The following CBX1 variants were observed in gnomAD, a reference collection of about 807,000 sequenced individuals.
CBX1 encodes chromobox 1.
Under a neutral mutation model 25.1 loss-of-function variants are expected in CBX1, and 10 were observed. That is an observed-to-expected ratio of 0.40 (90% CI 0.25 to 0.68). CBX1 has a LOEUF of 0.68. CBX1 is among the 30% of genes least tolerant of loss of function. CBX1 has a pLI of 0.40. For missense variants in CBX1, 106 were observed against 218.5 expected (o/e 0.49, Z 3.25); for synonymous variants, 63 against 79.4 (o/e 0.79, Z 1.10).
At chr17:48,094,839 G>T (rs1598316985) in intron 1 of CBX1, among the ~76,000 whole-genome samples, 1 of 151,700 alleles carries the variant, frequency 6.6e-6, no homozygotes, top group Admixed American at 6.6e-5. Context: ...TTGACGCCTG[G>T]AGTTCAAGAC....
chr17:48,101,222 G>A (rs1161596080), intron 1 of CBX1, 46 bp downstream of exon 1: 2 of 990,098 alleles, frequency 2.0e-6, no homozygotes, highest in Non-Finnish European at 2.4e-6. Context: ...CGCCGCCGCC[G>A]CCGCGCCCCC....
intron 1 of CBX1, among the ~76,000 whole-genome samples, chr17:48,079,106 G>A (rs538865470): frequency 1.5e-5 from 2 of 133,214 alleles, no homozygotes; most frequent in African/African-American, 5.7e-5. Context: ...TCCAGCCCCG[G>A]CCCCGCACCT....
intron 3 of CBX1, among the ~76,000 whole-genome samples, chr17:48,075,752 C>G (rs756103464): frequency 1.3e-5 from 2 of 152,150 alleles, no homozygotes; most frequent in Non-Finnish European, 2.9e-5. Context: ...CTATTTTTTA[C>G]AAGAATGAAT....
chr17:48,094,114 CAAAA>C (rs11459504), intron 1 of CBX1, among the ~76,000 whole-genome samples: 110 of 50,832 alleles, frequency 2.2e-3, no homozygotes, highest in African/African-American at 8.4e-3. Flanking sequence ...AACTCTGTCT[CAAAA>C]AAAAAAAAAA....
At chr17:48,090,275 A>G (rs1268984240) in intron 1 of CBX1, among the ~76,000 whole-genome samples, 1 of 152,168 alleles carries the variant, frequency 6.6e-6, no homozygotes, top group African/African-American at 2.4e-5. Context: ...TCCACACAGT[A>G]AAGTTCCTTA....
At chr17:48,087,745 G>A (rs1049913905) in intron 1 of CBX1, among the ~76,000 whole-genome samples, 2 of 151,310 alleles carry the variant, frequency 1.3e-5, no homozygotes, top group Admixed American at 1.3e-4. Flanking sequence ...AGTGGCACAC[G>A]CATGTAGTCC....
At chr17:48,079,460 TTTC>T (rs1163404467) in intron 1 of CBX1, among the ~76,000 whole-genome samples, 4 of 152,214 alleles carry the variant, frequency 2.6e-5, no homozygotes, top group Non-Finnish European at 5.9e-5. Flanking sequence ...GATTCACAAA[TTTC>T]TTGTTAACTT....
At chr17:48,089,353 G>A (rs992497942) in intron 1 of CBX1, among the ~76,000 whole-genome samples, 1 of 150,092 alleles carries the variant, frequency 6.7e-6, no homozygotes, top group Non-Finnish European at 1.5e-5. Context: ...CGCCCATCTC[G>A]GCCTCCAACA....
At chr17:48,077,150 T>C (rs1598304614) in intron 1 of CBX1, 109 bp from the exon 2 acceptor site, 6 of 809,816 alleles carry the variant, frequency 7.4e-6, no homozygotes, top group Non-Finnish European at 9.5e-6. Flanking sequence ...TATTGTATGC[T>C]GCTTATAGTA....
chr17:48,076,041 T>A lies in CBX1; in HGVS notation c.278A>T (p.Asp93Val). The part of the protein sequence containing the change: ...GKRKADSDSE[D>V]KGEESKPKKK... ...CTTTGGTTTGCTCTCCTCTCCCTTA[T>A]CTTCAGAATCAGAATCAGCTTTGCG... The change falls in exon 3 of 5, where the codon GAT becomes GTT. Residue 93 changes from aspartate (D) to valine (V), a missense_variant. Transcript: ENST00000225603. The A allele has an allele frequency of 1.2e-6, 2 of 1,612,846 alleles. No homozygotes were observed. Among genetic ancestry groups the A allele is most frequent in the South Asian group, 2.2e-5 (2 of 90,908 alleles).
intron 2 of CBX1, 89 bp downstream of exon 2, chr17:48,076,776 G>T: frequency 8.4e-7 from 1 of 1,186,660 alleles, no homozygotes; most frequent in South Asian, 1.5e-5. Flanking sequence ...GAGTCACACT[G>T]TATCCATCAT....
chr17:48,073,145 A>T (rs569336101), intron 4 of CBX1, among the ~76,000 whole-genome samples: 146 of 151,972 alleles, frequency 9.6e-4, no homozygotes, highest in African/African-American at 3.4e-3. Flanking sequence ...ACAAACTCTT[A>T]TCTTCAGGTT....
intron 1 of CBX1, among the ~76,000 whole-genome samples, chr17:48,092,987 T>C (rs2063351923): frequency 6.7e-6 from 1 of 150,096 alleles, no homozygotes; most frequent in African/African-American, 2.5e-5. Context: ...GGAGAATCGC[T>C]TGAACCCAGG....
intron 1 of CBX1, among the ~76,000 whole-genome samples, chr17:48,099,439 A>G (rs1438759136): frequency 6.6e-6 from 1 of 152,066 alleles, no homozygotes; most frequent in Non-Finnish European, 1.5e-5. Context: ...ACAATTTAGG[A>G]TACAGCAGCC....
chr17:48,080,995 A>ATATATAT (rs1567765634), intron 1 of CBX1, among the ~76,000 whole-genome samples: 12 of 74,906 alleles, frequency 1.6e-4, no homozygotes, highest in Admixed American at 4.1e-4. Flanking sequence ...TATATATATA[A>ATATATAT]AATTTGTCTT....
intron 1 of CBX1, among the ~76,000 whole-genome samples, chr17:48,082,187 G>A (rs939604063): frequency 1.3e-5 from 2 of 149,852 alleles, no homozygotes; most frequent in African/African-American, 4.9e-5. Flanking sequence ...GCCTGGGTGA[G>A]GAAGCAAGAC....
intron 1 of CBX1, among the ~76,000 whole-genome samples, chr17:48,081,565 A>G (rs142259986): frequency 3.4e-4 from 51 of 152,210 alleles, no homozygotes; most frequent in African/African-American, 1.2e-3. Context: ...CAGCCTCTCA[A>G]AGAGCTAGGA....
At chr17:48,079,555 G>T (rs1287850452) in intron 1 of CBX1, among the ~76,000 whole-genome samples, 1 of 151,998 alleles carries the variant, frequency 6.6e-6, no homozygotes, top group East Asian at 1.9e-4. Context: ...ATGCAGTGAA[G>T]TAATTATGGC....
intron 1 of CBX1, among the ~76,000 whole-genome samples, chr17:48,079,900 G>C (rs1048882723): frequency 1.3e-5 from 2 of 152,140 alleles, no homozygotes; most frequent in African/African-American, 4.8e-5. Flanking sequence ...GGGGAAAACA[G>C]AACTGTAGTT....
Sources: allele counts gnomAD v4.1 joint callset (sites outside exome capture counted in the v4.1 genomes callset), GRCh38; gene constraint gnomAD v4.1.1; transcripts MANE v1.5; gene names NCBI Gene and HGNC (gene_info 2026-07-23, HGNC 2026-07-21).